Variants in EDIL3 observed in about 807,000 individuals in gnomAD.
EDIL3 encodes the protein EGF like and discoidin domains 3.
EDIL3 carries 37 observed loss-of-function variants against 67.4 expected under a neutral mutation model. The ratio of observed to expected loss-of-function variants is 0.55; its 90% CI spans 0.42 to 0.72. The LOEUF is 0.72. EDIL3 is among the 30% of genes least tolerant of loss of function. The probability of loss-of-function intolerance (pLI) is 0.00; values close to 1 mark genes in which losing one functional copy is unlikely to be tolerated. For missense variants in EDIL3, 527 were observed against 586.3 expected, an observed-to-expected ratio of 0.90 and a Z score of 1.04; for synonymous variants, 195 against 196.3, an observed-to-expected ratio of 0.99 and a Z score of 0.05.
chr5:84,041,822 G>C (rs1746132069), intron 9 of EDIL3, among the ~76,000 whole-genome samples: 1 of 151,830 alleles, frequency 6.6e-6, no homozygotes, highest in Non-Finnish European at 1.5e-5. Context: ...GATGGGTCCT[G>C]TGGTATTTAA....
At chr5:83,967,762 T>C (rs988416198) in intron 9 of EDIL3, among the ~76,000 whole-genome samples, 7 of 152,100 alleles carry the variant, frequency 4.6e-5, no homozygotes, top group East Asian at 1.9e-4. Context: ...GAAAATTAAG[T>C]TGATTTTCGT....
intron 3 of EDIL3, among the ~76,000 whole-genome samples, chr5:84,217,717 C>A (rs946906304): frequency 8.0e-6 from 1 of 125,224 alleles, no homozygotes; most frequent in Non-Finnish European, 1.6e-5. Context: ...CTATTATACA[C>A]ACAAACACAC....
intron 1 of EDIL3, among the ~76,000 whole-genome samples, chr5:84,323,429 A>G (rs958233109): frequency 2.6e-5 from 4 of 151,910 alleles, no homozygotes; most frequent in Non-Finnish European, 5.9e-5. Flanking sequence ...CACATAAGGA[A>G]ATGAGAAAGG....
intron 1 of EDIL3, among the ~76,000 whole-genome samples, chr5:84,261,489 A>C (rs1745221457): frequency 6.6e-6 from 1 of 152,174 alleles, no homozygotes; most frequent in Non-Finnish European, 1.5e-5. Context: ...AATTTCAAAT[A>C]AATTTGTTAA....
intron 4 of EDIL3, among the ~76,000 whole-genome samples, chr5:84,146,954 A>C (rs891586348): frequency 4.6e-5 from 7 of 152,240 alleles, no homozygotes; most frequent in African/African-American, 9.6e-5. Context: ...CCCATATAAC[A>C]ACCACCAAGG....
At chr5:84,080,115 CAAAAAAAAAAAAAA>C (rs10566347) in intron 6 of EDIL3, among the ~76,000 whole-genome samples, 9 of 52,956 alleles carry the variant, frequency 1.7e-4, no homozygotes, top group African/African-American at 2.2e-4. Flanking sequence ...ACTAAAAATA[CAAAAAAAAAAAAAA>C]AAAAAAAAAA....
intron 4 of EDIL3, among the ~76,000 whole-genome samples, chr5:84,176,197 T>A (rs957335666): frequency 3.8e-5 from 4 of 106,664 alleles, no homozygotes; most frequent in African/African-American, 1.0e-4. Flanking sequence ...TATATATATA[T>A]AATATATATA....
intron 9 of EDIL3, among the ~76,000 whole-genome samples, chr5:83,978,427 C>A (rs1450676589): frequency 6.6e-6 from 1 of 151,848 alleles, no homozygotes; most frequent in Admixed American, 6.6e-5. Context: ...TATCAATTTA[C>A]TCTAAAAGTC....
intron 6 of EDIL3, among the ~76,000 whole-genome samples, chr5:84,074,779 A>T (rs1187525989): frequency 6.6e-6 from 1 of 152,108 alleles, no homozygotes; most frequent in African/African-American, 2.4e-5. Flanking sequence ...ACCATTGTGG[A>T]AGTCAGTGTG....
chr5:84,280,804 C>T (rs1215060474), intron 1 of EDIL3, among the ~76,000 whole-genome samples: 7 of 150,338 alleles, frequency 4.7e-5, no homozygotes, highest in East Asian at 2.0e-4. Flanking sequence ...AATAGCTAGG[C>T]GTGGTGGTGC....
At chr5:84,369,272 A>G (rs1012952633) in intron 1 of EDIL3, among the ~76,000 whole-genome samples, 1 of 151,664 alleles carries the variant, frequency 6.6e-6, no homozygotes. Flanking sequence ...ATATAAATAT[A>G]CACACACAAC....
At chr5:84,148,655 C>T (rs1281395747) in intron 4 of EDIL3, among the ~76,000 whole-genome samples, 1 of 152,032 alleles carries the variant, frequency 6.6e-6, no homozygotes, top group Non-Finnish European at 1.5e-5. Context: ...AGAATCTCAT[C>T]TACAAAATTA....
chr5:84,336,048 A>C (rs1315403826), intron 1 of EDIL3, among the ~76,000 whole-genome samples: 1 of 152,174 alleles, frequency 6.6e-6, no homozygotes, highest in Non-Finnish European at 1.5e-5. Flanking sequence ...GTCACTTCCT[A>C]TATGTCCCAC....
chr5:84,198,728 T>C (rs1214145726), intron 3 of EDIL3, among the ~76,000 whole-genome samples: 1 of 144,830 alleles, frequency 6.9e-6, no homozygotes, highest in Non-Finnish European at 1.5e-5. Flanking sequence ...ATGGAATTTG[T>C]ATATTATGAA....
intron 5 of EDIL3, among the ~76,000 whole-genome samples, chr5:84,108,140 T>TGAG (rs1747496415): frequency 6.6e-6 from 1 of 151,644 alleles, no homozygotes. Context: ...ACACTTAGAT[T>TGAG]GAGGTTGAAA....
intron 10 of EDIL3, among the ~76,000 whole-genome samples, chr5:83,955,007 CAT>C (rs1561384354): frequency 6.6e-6 from 1 of 151,728 alleles, no homozygotes; most frequent in African/African-American, 2.4e-5. Context: ...ATATTTTTAA[CAT>C]GTTAGCATTT....
chr5:84,031,462 T>C (rs181908680), intron 9 of EDIL3, among the ~76,000 whole-genome samples: 52 of 152,310 alleles, frequency 3.4e-4, no homozygotes, highest in African/African-American at 1.2e-3. Context: ...AGTTGGTAAA[T>C]CTACCCATGC....
intron 1 of EDIL3, among the ~76,000 whole-genome samples, chr5:84,344,649 A>G (rs1747200645): frequency 6.6e-6 from 1 of 152,148 alleles, no homozygotes; most frequent in African/African-American, 2.4e-5. Context: ...ACAAAAATGT[A>G]ATATGTCATT....
intron 2 of EDIL3, among the ~76,000 whole-genome samples, chr5:84,243,585 TAAAG>T: frequency 6.6e-6 from 1 of 152,316 alleles, no homozygotes; most frequent in East Asian, 1.9e-4. Context: ...CCTTAGCAGA[TAAAG>T]ACATTGTGGG....
Sources: allele counts gnomAD v4.1 joint callset (sites outside exome capture counted in the v4.1 genomes callset), GRCh38; gene constraint gnomAD v4.1.1; transcripts MANE v1.5; gene names NCBI Gene and HGNC (gene_info 2026-07-23, HGNC 2026-07-21).